The following RALGPS1 variants were observed in gnomAD, a reference collection of about 807,000 sequenced individuals.
The protein encoded by RALGPS1 is Ral GEF with PH domain and SH3 binding motif 1.
Under a neutral mutation model 78.8 loss-of-function variants are expected in RALGPS1, and 19 were observed. That is an observed-to-expected ratio of 0.24 (90% CI 0.17 to 0.35). RALGPS1 has a LOEUF of 0.35. RALGPS1 is among the 10% of genes least tolerant of loss of function. The pLI, the probability that RALGPS1 is intolerant of heterozygous loss-of-function variation, is 1.00. For synonymous variants in RALGPS1, 228 were observed against 256.3 expected (o/e 0.89, Z 1.06); for missense variants, 454 against 688.3 (o/e 0.66, Z 3.81).
intron 8 of RALGPS1, among the ~76,000 whole-genome samples, chr9:127,135,890 A>C (rs2057362516): frequency 6.6e-6 from 1 of 152,220 alleles, no homozygotes; most frequent in Non-Finnish European, 1.5e-5. Flanking sequence ...AAAGAGAACC[A>C]AGTGTTAAAT....
intron 4 of RALGPS1, among the ~76,000 whole-genome samples, chr9:126,990,921 C>A (rs973970526): frequency 6.6e-6 from 1 of 152,104 alleles, no homozygotes; most frequent in African/African-American, 2.4e-5. Flanking sequence ...AGTAATAATA[C>A]TAAAATCCCT....
chr9:127,161,307 T>C (rs142316562), intron 8 of RALGPS1, among the ~76,000 whole-genome samples: 2,895 of 152,290 alleles, frequency 0.019, 48 homozygotes, highest in Middle Eastern at 0.027. Context: ...CTCAGCTTCT[T>C]ATGCACTTCA....
At chr9:127,050,917 C>T (rs932654386) in intron 6 of RALGPS1, among the ~76,000 whole-genome samples, 2 of 152,196 alleles carry the variant, frequency 1.3e-5, no homozygotes, top group South Asian at 4.1e-4. Flanking sequence ...GCTGTGGTCA[C>T]CTGCTTTACT....
chr9:127,077,101 C>T (rs749207488), intron 8 of RALGPS1, among the ~76,000 whole-genome samples: 41 of 152,124 alleles, frequency 2.7e-4, no homozygotes, highest in Admixed American at 6.5e-4. Context: ...AGGCTCTGAC[C>T]AACCTAGAAG....
chr9:127,191,990 C>T (rs2061087382), intron 11 of RALGPS1, among the ~76,000 whole-genome samples: 1 of 152,222 alleles, frequency 6.6e-6, no homozygotes, highest in East Asian at 1.9e-4. Context: ...AGCCACGGCG[C>T]CCGGCCTCCA....
intron 7 of RALGPS1, among the ~76,000 whole-genome samples, 164 bp downstream of exon 7, chr9:127,053,103 C>T (rs1478828092): frequency 2.6e-5 from 4 of 152,178 alleles, no homozygotes; most frequent in African/African-American, 9.7e-5. Flanking sequence ...CGTCAGTGAC[C>T]CCAGCCCCAT....
chr9:127,030,572 A>G (rs1006982809), intron 4 of RALGPS1, among the ~76,000 whole-genome samples: 1 of 152,102 alleles, frequency 6.6e-6, no homozygotes, highest in Non-Finnish European at 1.5e-5. Flanking sequence ...GAGTGAGTTT[A>G]AGTCGTTCTC....
intron 8 of RALGPS1, among the ~76,000 whole-genome samples, chr9:127,084,508 A>G (rs1376975156): frequency 6.6e-6 from 1 of 152,128 alleles, no homozygotes; most frequent in Admixed American, 6.5e-5. Flanking sequence ...TGTGCTGTCA[A>G]TGTGGGCCCC....
chr9:126,917,912 G>A (rs2034339699), intron 1 of RALGPS1, among the ~76,000 whole-genome samples: 1 of 152,192 alleles, frequency 6.6e-6, no homozygotes, highest in South Asian at 2.1e-4. Flanking sequence ...CTTCTGGTTA[G>A]CATGCCGTCA....
chr9:126,990,057 C>G (rs937147122), intron 4 of RALGPS1: 1 of 1,538,532 alleles, frequency 6.5e-7, no homozygotes, highest in African/African-American at 1.4e-5. Context: ...AGCGGGCGTT[C>G]CAGAAAGCCG....
intron 8 of RALGPS1, among the ~76,000 whole-genome samples, chr9:127,131,450 A>G (rs1004526196): frequency 1.8e-4 from 27 of 152,174 alleles, no homozygotes; most frequent in African/African-American, 6.5e-4. Context: ...CATGCCTGGC[A>G]CTGGGGAGGC....
At chr9:127,108,526 A>G (rs756256509) in intron 8 of RALGPS1, 15 of 1,612,940 alleles carry the variant, frequency 9.3e-6, no homozygotes, top group Non-Finnish European at 1.1e-5. Context: ...GTTGACGCAG[A>G]TGGCACCCGT....
chr9:126,965,858 G>A lies in RALGPS1; in HGVS notation c.72G>A (p.Ser24=), dbSNP rs765399975. The change falls in exon 3 of 19, where the codon TCG becomes TCA. Residue 24 remains serine (S), a synonymous_variant. Coordinates refer to ENST00000259351, the MANE Select transcript of RALGPS1 (RefSeq NM_014636.3). ...TSATPQGSSS[S]DSLEGQSCDY... is the part of the protein sequence containing the mutation. Reference sequence around the variant, plus strand: ...GCTCTCCACAGGGCAGCAGCAGCTCGGACTCTCTGGAGGGCCAGAGCTGCG... The same window carrying A: ...GCTCTCCACAGGGCAGCAGCAGCTCAGACTCTCTGGAGGGCCAGAGCTGCG... 2.5e-6 allele frequency: 4 copies of A among 1,613,756 alleles called. No homozygotes were observed. Among genetic ancestry groups the A allele is most frequent in the African/African-American group, 1.3e-5 (1 of 74,928 alleles).
At chr9:126,961,133 G>A (rs1373856460) in intron 1 of RALGPS1, among the ~76,000 whole-genome samples, 1 of 152,176 alleles carries the variant, frequency 6.6e-6, no homozygotes, top group Non-Finnish European at 1.5e-5. Context: ...TCAGTGATGT[G>A]GTAAATGCTC....
At chr9:127,172,508 G>T (rs1431643576) in intron 10 of RALGPS1, among the ~76,000 whole-genome samples, 1 of 152,132 alleles carries the variant, frequency 6.6e-6, no homozygotes, top group Non-Finnish European at 1.5e-5. Flanking sequence ...GACTACTTCT[G>T]TGCCATTTCG....
In RALGPS1 at chr9:127,088,883, C is replaced by G; in HGVS notation, c.610+19527C>G. 2.5e-6 allele frequency: 4 copies of G among 1,599,768 alleles called. No homozygotes were observed. The South Asian group carries it at 4.4e-5, about 18-fold the overall frequency. On this transcript the variant is annotated intron_variant, in intron 8 of 18. Transcript: ENST00000259351. ...GAGTTGTTCTTTGTGCTGTGGCCAG[C>G]GTGACCAGGGTGGGCTCCTGGCAAT...
At chr9:127,042,751 G>A (rs1207612189) in intron 5 of RALGPS1, among the ~76,000 whole-genome samples, 1 of 152,266 alleles carries the variant, frequency 6.6e-6, no homozygotes, top group Middle Eastern at 3.4e-3. Context: ...CATAGGTGAC[G>A]TGATTATCTA....
chr9:127,088,252 G>A (rs1236903917), intron 8 of RALGPS1: 2 of 152,230 alleles, frequency 1.3e-5, no homozygotes, highest in African/African-American at 4.8e-5. Flanking sequence ...TGAAAATGTG[G>A]GGGGAGGGAT....
Position 126,969,055 on chromosome 9 carries a change from GA to G in RALGPS1, c.165+3114del, listed in dbSNP as rs952133421. Among the ~76,000 whole-genome samples, 401 of 146,414 alleles carry G rather than the reference GA, an allele frequency of 2.7e-3. 2 individuals are homozygous for G. Among genetic ancestry groups the G allele is most frequent in the African/African-American group, 9.4e-3 (375 of 39,868 alleles). On this transcript the variant is annotated intron_variant, in intron 3 of 18. Transcript: ENST00000259351. ...AAGAGCGAAACTCCGTCTCAAAAAAGAAAAAAAAAATTTCTAGTAACTACAT... is the reference window on the plus strand; with the variant it reads ...AAGAGCGAAACTCCGTCTCAAAAAAGAAAAAAAAATTTCTAGTAACTACAT...
Sources: gnomAD v4.1 joint callset for allele counts (sites outside exome capture counted in the v4.1 genomes callset) on GRCh38, gnomAD v4.1.1 for gene constraint, MANE v1.5 for transcripts, NCBI Gene and HGNC (gene_info 2026-07-23, HGNC 2026-07-21) for gene names.